NPC1: variants seen among roughly 807,000 people sequenced by gnomAD.
NPC1 encodes the protein Niemann-Pick C1 protein.
Under a neutral mutation model 140.4 loss-of-function variants are expected in NPC1, and 85 were observed. The ratio of observed to expected loss-of-function variants is 0.61; its 90% CI spans 0.51 to 0.72. The LOEUF (loss-of-function observed/expected upper bound fraction) is 0.72, where lower values mean the gene tolerates loss of function less well. Among genes scored for constraint, NPC1 ranks in the 30% least tolerant of loss-of-function variants. The pLI is 0.00. For missense variants in NPC1, 1,504 were observed against 1,623.8 expected, an observed-to-expected ratio of 0.93 and a Z score of 1.27; for synonymous variants, 656 against 624.8, an observed-to-expected ratio of 1.05 and a Z score of -0.74.
intron 9 of NPC1, 151 bp downstream of exon 9, chr18:23,554,607 A>C (rs1444217340): frequency 1.7e-5 from 1 of 60,360 alleles, no homozygotes; most frequent in Non-Finnish European, 2.5e-5. Flanking sequence ...CCCTGTCTCA[A>C]AAAAAAAAAA....
At chr18:23,508,924 G>C (rs1410041389) in intron 3 of NPC1, 2 of 188,278 alleles carry the variant, frequency 1.1e-5, no homozygotes, top group Non-Finnish European at 2.2e-5. Context: ...GCTGCTGTCT[G>C]TGAGCTCTGG....
chr18:23,525,015 T>G (rs2058255254), downstream of NPC1, among the ~76,000 whole-genome samples: 1 of 149,702 alleles, frequency 6.7e-6, no homozygotes, highest in Admixed American at 6.7e-5. Flanking sequence ...GGCGTGATCT[T>G]GGCTCACTGC....
intron 4 of NPC1, among the ~76,000 whole-genome samples, chr18:23,566,870 TGA>T (rs2059133510): frequency 6.6e-6 from 1 of 152,238 alleles, no homozygotes; most frequent in African/African-American, 2.4e-5. Flanking sequence ...TGGCAATCAC[TGA>T]CTTTTTACTG....
rs201170241 is a variant in NPC1, at chr18:23,544,945, C to CG, written c.1947+14_1947+15insC. 2.4e-3 allele frequency: 3,084 copies of CG among 1,291,328 alleles called. 173 individuals are homozygous for CG. In the African/African-American group the frequency reaches 0.038, roughly 16 times the overall value. 80.0% of individuals were successfully genotyped at this position (1,291,328 alleles called of 1,614,324 possible). The stretch of plus-strand genomic sequence containing the variant: ...TGTTAACCTCTAGAACATACACCAC[C>CG]CCCCCCCGGCTTACCAGAAGCCTGC... On this transcript the variant is annotated intron_variant, in intron 12 of 24. Coordinates refer to ENST00000269228, the MANE Select transcript of NPC1 (RefSeq NM_000271.5).
downstream of NPC1, chr18:23,528,126 A>G (rs922984140): frequency 6.1e-5 from 27 of 442,076 alleles, no homozygotes; most frequent in African/African-American, 5.5e-4. Context: ...TCATACCTTC[A>G]CTGTTTTTGT....
chr18:23,561,627 A>G (rs1465146814), intron 4 of NPC1, 100 bp from the exon 5 acceptor site: 3 of 1,137,132 alleles, frequency 2.6e-6, no homozygotes, highest in Non-Finnish European at 4.0e-6. Flanking sequence ...CACGAACTCC[A>G]TATGCACCAT....
intron 9 of NPC1, among the ~76,000 whole-genome samples, chr18:23,553,338 T>C (rs991169774): frequency 6.6e-6 from 1 of 152,260 alleles, no homozygotes; most frequent in African/African-American, 2.4e-5. Flanking sequence ...AAATTACCCA[T>C]GGCTCGTCTG....
At chr18:23,510,578 C>T (rs541277461) in intron 3 of NPC1, among the ~76,000 whole-genome samples, 169 of 151,700 alleles carry the variant, frequency 1.1e-3, no homozygotes, top group African/African-American at 3.8e-3. Flanking sequence ...ACCTGGAAGG[C>T]GGAGCTTGTA....
chr18:23,531,048 G>A (rs1039990032), downstream of NPC1, among the ~76,000 whole-genome samples: 7 of 152,048 alleles, frequency 4.6e-5, no homozygotes, highest in African/African-American at 1.7e-4. Context: ...AGGCTGGAGT[G>A]CAGTGGTGTG....
chr18:23,577,972 G>A (rs965978779), intron 1 of NPC1, among the ~76,000 whole-genome samples: 3 of 152,196 alleles, frequency 2.0e-5, no homozygotes, highest in African/African-American at 4.8e-5. Context: ...CAGCTGGCCC[G>A]CAAGTGCCGC....
intron 1 of NPC1, among the ~76,000 whole-genome samples, chr18:23,575,512 C>A (rs1287791039): frequency 2.6e-5 from 4 of 152,048 alleles, no homozygotes; most frequent in Non-Finnish European, 5.9e-5. Flanking sequence ...CTCATAAGCT[C>A]TGCCTACCTC....
intron 2 of NPC1, 69 bp from the exon 3 acceptor site, chr18:23,572,249 A>G: frequency 1.0e-6 from 1 of 981,024 alleles, no homozygotes; most frequent in Non-Finnish European, 1.6e-6. Context: ...TCCTCAGTGA[A>G]CTAAGACACA....
intron 3 of NPC1, among the ~76,000 whole-genome samples, chr18:23,569,568 T>C (rs917521893): frequency 6.6e-6 from 1 of 152,210 alleles, no homozygotes; most frequent in African/African-American, 2.4e-5. Context: ...GCAACCCTCC[T>C]GCCTTGGCCT....
chr18:23,532,778 G>GC (rs2058556078), intron 24 of NPC1: 1 of 556,290 alleles, frequency 1.8e-6, no homozygotes, highest in African/African-American at 2.1e-5. Flanking sequence ...ATGATAAAAA[G>GC]CCCCTCATTT....
intron 3 of NPC1, chr18:23,516,439 A>T (rs1315222254): frequency 6.2e-7 from 1 of 1,609,140 alleles, no homozygotes; most frequent in South Asian, 1.1e-5. Flanking sequence ...TCCGTGTCAG[A>T]GAGAATTCCA....
chr18:23,516,721 CTTCTTCT>C (rs1312135077), intron 3 of NPC1, among the ~76,000 whole-genome samples: 1 of 34,872 alleles, frequency 2.9e-5, no homozygotes, highest in African/African-American at 1.2e-4. Flanking sequence ...TTTAGAATTT[CTTCTTCT>C]TTTTTTTTTT....
At chr18:23,535,802 C>A in intron 21 of NPC1, 102 bp from the exon 22 acceptor site, 1 of 807,064 alleles carries the variant, frequency 1.2e-6, no homozygotes, top group Non-Finnish European at 2.1e-6. Context: ...CTTTGGGAAA[C>A]ATCCCTTGCA....
chr18:23,561,421 A>C lies in NPC1; in HGVS notation c.570T>G (p.Ile190Met). ...CATTGTCCTTATTGAACATGTATTC[A>C]ATCCAGTTGGTGGCATTACAGGCGT... ...DADACNATNW[I>M]EYMFNKDNGQ... is the part of the protein sequence containing the mutation. Residue 190 changes from isoleucine to methionine, a missense_variant, in exon 5 of 25, where the codon ATT (isoleucine) becomes ATG (methionine). Transcript: ENST00000269228. 1.2e-6 allele frequency: 2 copies of C among 1,614,214 alleles called. No individual in the cohort carries two copies. The highest frequency in any genetic ancestry group is 1.7e-6 in the Non-Finnish European group (2 of 1,180,038).
chr18:23,524,538 C>G, downstream of NPC1: 1 of 1,570,632 alleles, frequency 6.4e-7, no homozygotes, highest in Non-Finnish European at 8.8e-7. Flanking sequence ...GACTTTGGAT[C>G]CCAGTTGTAG....
Sources: gnomAD v4.1 joint callset for allele counts (sites outside exome capture counted in the v4.1 genomes callset) on GRCh38, gnomAD v4.1.1 for gene constraint, MANE v1.5 for transcripts, NCBI Gene and HGNC (gene_info 2026-07-23, HGNC 2026-07-21) for gene names.